Variants in SORCS3 observed in about 807,000 individuals in gnomAD.
SORCS3 encodes sortilin related VPS10 domain containing receptor 3.
SORCS3 carries 57 observed loss-of-function variants against 146.3 expected under a neutral mutation model. The observed-to-expected ratio is 0.39, with a 90% CI of 0.31 to 0.49. SORCS3 has a LOEUF of 0.49. Among genes scored for constraint, SORCS3 ranks in the 20% least tolerant of loss-of-function variants. SORCS3 has a pLI of 0.92. For missense variants in SORCS3, 1,341 were observed against 1,575.5 expected, an observed-to-expected ratio of 0.85 and a Z score of 2.52; for synonymous variants, 653 against 618.5, an observed-to-expected ratio of 1.06 and a Z score of -0.83.
chr10:104,755,327 A>AT (rs1232254965), intron 1 of SORCS3, among the ~76,000 whole-genome samples: 1 of 152,152 alleles, frequency 6.6e-6, no homozygotes, highest in African/African-American at 2.4e-5. Context: ...TCATACATTC[A>AT]TTTTGCAGGG....
At chr10:104,797,802 T>C (rs1442821369) in intron 1 of SORCS3, among the ~76,000 whole-genome samples, 5 of 152,118 alleles carry the variant, frequency 3.3e-5, no homozygotes, top group Non-Finnish European at 5.9e-5. Context: ...TCCCTTTTAA[T>C]TGCAAGACAC....
chr10:105,240,575 T>G (rs2119713028), intron 20 of SORCS3, among the ~76,000 whole-genome samples: 1 of 152,358 alleles, frequency 6.6e-6, no homozygotes, highest in East Asian at 1.9e-4. Flanking sequence ...CATTTCAAAG[T>G]AAATTTAAGA....
chr10:104,785,554 T>C (rs1342664061), intron 1 of SORCS3, among the ~76,000 whole-genome samples: 4 of 119,836 alleles, frequency 3.3e-5, no homozygotes, highest in Non-Finnish European at 6.7e-5. Context: ...TCCCCCTCTG[T>C]GAGAAACACC....
chr10:104,866,395 A>G (rs1011367818), intron 2 of SORCS3, among the ~76,000 whole-genome samples: 6 of 152,222 alleles, frequency 3.9e-5, no homozygotes, highest in African/African-American at 1.2e-4. Flanking sequence ...TAGAAAAGCC[A>G]GAGTTGGAAA....
intron 7 of SORCS3, among the ~76,000 whole-genome samples, chr10:105,120,713 G>C (rs2055926281): frequency 6.6e-6 from 1 of 152,268 alleles, no homozygotes; most frequent in Admixed American, 6.5e-5. Context: ...TCAGAGAACG[G>C]TTCTGTAATT....
chr10:105,151,830 T>C (rs952550347), intron 9 of SORCS3, among the ~76,000 whole-genome samples: 3 of 152,074 alleles, frequency 2.0e-5, no homozygotes, highest in African/African-American at 4.8e-5. Flanking sequence ...TGCTTCAAAG[T>C]ACAATGTTGT....
chr10:105,245,612 A>T lies in SORCS3; in HGVS notation c.2939A>T (p.Gln980Leu). 1 of 1,614,154 alleles carries T rather than the reference A, an allele frequency of 6.2e-7. No homozygotes were observed. Among genetic ancestry groups the T allele is most frequent in the Non-Finnish European group, 8.5e-7 (1 of 1,180,018 alleles). Residue 980 changes from glutamine to leucine, a missense_variant, in exon 21 of 27, where the codon CAG (glutamine) becomes CTG (leucine). Physicochemically the swap from Gln to Leu is moderately radical, Grantham distance 113. Coordinates refer to ENST00000369701, the MANE Select transcript of SORCS3 (RefSeq NM_014978.3). The stretch of plus-strand genomic sequence containing the variant: ...GAAGGAACCGACACCATCACAGTCC[A>T]GGTGGCTGCTGGGAATGCCCTCATC... ...LAEGTDTITV[Q>L]VAAGNALIQD... is the part of the protein sequence containing the mutation.
At chr10:104,697,764 A>G (rs2016233557) in intron 1 of SORCS3, among the ~76,000 whole-genome samples, 1 of 152,176 alleles carries the variant, frequency 6.6e-6, no homozygotes, top group African/African-American at 2.4e-5. Context: ...TGAGCCTCCA[A>G]CATGTAAATA....
At chr10:104,657,845 A>G (rs938560927) in intron 1 of SORCS3, among the ~76,000 whole-genome samples, 4 of 152,318 alleles carry the variant, frequency 2.6e-5, no homozygotes, top group African/African-American at 7.2e-5. Context: ...TGATTATTTA[A>G]AATATATTAG....
chr10:104,682,009 A>G (rs1427530897), intron 1 of SORCS3, among the ~76,000 whole-genome samples: 1 of 152,158 alleles, frequency 6.6e-6, no homozygotes, highest in Non-Finnish European at 1.5e-5. Flanking sequence ...TCTGGTGGGA[A>G]TGCAGTCTCC....
chr10:105,262,473 C>G lies in SORCS3; in HGVS notation c.3586C>G (p.Leu1196Val), dbSNP rs1278928208. 1.2e-6 allele frequency: 2 copies of G among 1,613,818 alleles called. No homozygotes were observed. The highest frequency in any genetic ancestry group is 3.3e-5 in the Admixed American group (2 of 59,988). The change falls in exon 26 of 27, where the codon CTG becomes GTG. Residue 1196 changes from leucine to valine, a missense_variant. Leu to Val is a conservative substitution (Grantham distance 32). Coordinates refer to ENST00000369701, the MANE Select transcript of SORCS3 (RefSeq NM_014978.3). ...GCCTGAGGAGCTGCTGGACAAAGAG[C>G]TGGACACGCGGGTCATAGGTACATG... Reference protein sequence around the residue: ...TEPEELLDKELDTRVIGGIAT... With the variant: ...TEPEELLDKEVDTRVIGGIAT...
chr10:105,225,382 A>G (rs1786494111), intron 20 of SORCS3, among the ~76,000 whole-genome samples: 1 of 152,014 alleles, frequency 6.6e-6, no homozygotes, highest in South Asian at 2.1e-4. Flanking sequence ...GCCAAAAATA[A>G]GTTGATTACA....
intron 1 of SORCS3, among the ~76,000 whole-genome samples, chr10:104,747,244 C>T (rs2016921580): frequency 6.6e-6 from 1 of 152,188 alleles, no homozygotes; most frequent in African/African-American, 2.4e-5. Flanking sequence ...GCTGATGAAC[C>T]AGCTGCTCAA....
chr10:104,721,703 A>AGTTGGAT (rs2016551873), intron 1 of SORCS3, among the ~76,000 whole-genome samples: 1 of 152,044 alleles, frequency 6.6e-6, no homozygotes, highest in African/African-American at 2.4e-5. Flanking sequence ...GTCCCTTATA[A>AGTTGGAT]GTTGGATTCC....
rs1469897319 is a variant in SORCS3, at chr10:105,066,103, TACTC to T, written c.1028+22977_1028+22980del. Among the ~76,000 whole-genome samples, 14 of 152,346 alleles carry T rather than the reference TACTC, an allele frequency of 9.2e-5. No individual in the cohort carries two copies. In the East Asian group the frequency reaches 2.5e-3, roughly 27 times the overall value. The stretch of plus-strand genomic sequence containing the variant: ...AACACTGTGCTTTATAAAAAGCTAA[TACTC>T]AGAAAGAGTTTTTAAAAATTAATAT... On this transcript the variant is annotated intron_variant, in intron 5 of 26. Coordinates refer to ENST00000369701, the MANE Select transcript of SORCS3 (RefSeq NM_014978.3).
intron 1 of SORCS3, among the ~76,000 whole-genome samples, chr10:104,739,587 G>T (rs1045236461): frequency 6.6e-6 from 1 of 152,192 alleles, no homozygotes; most frequent in African/African-American, 2.4e-5. Flanking sequence ...ATAGAGTAGG[G>T]TTCTTCACAG....
At chr10:105,232,797 G>A (rs1416609597) in intron 20 of SORCS3, among the ~76,000 whole-genome samples, 1 of 151,940 alleles carries the variant, frequency 6.6e-6, no homozygotes, top group Admixed American at 6.6e-5. Context: ...ATTTAGATGT[G>A]TCTTGTTTAA....
chr10:104,833,547 C>T (rs2018031481), intron 1 of SORCS3, among the ~76,000 whole-genome samples: 1 of 152,250 alleles, frequency 6.6e-6, no homozygotes, highest in East Asian at 1.9e-4. Context: ...GCTTGAAAGT[C>T]TCTATAGTAA....
chr10:105,146,739 C>T (rs2056133941), intron 8 of SORCS3, among the ~76,000 whole-genome samples: 1 of 152,098 alleles, frequency 6.6e-6, no homozygotes, highest in African/African-American at 2.4e-5. Flanking sequence ...TGATAAACTT[C>T]TGTGTGCCTG....
Sources: gnomAD v4.1 joint callset for allele counts (sites outside exome capture counted in the v4.1 genomes callset) on GRCh38, gnomAD v4.1.1 for gene constraint, MANE v1.5 for transcripts, NCBI Gene and HGNC (gene_info 2026-07-23, HGNC 2026-07-21) for gene names.